Variants in PKHD1 observed in about 807,000 individuals in gnomAD.
PKHD1 encodes the protein PKHD1 ciliary IPT domain containing fibrocystin/polyductin.
PKHD1 carries 291 observed loss-of-function variants against 412.0 expected under a neutral mutation model. The ratio of observed to expected loss-of-function variants is 0.71; its 90% CI spans 0.64 to 0.78. PKHD1 has a LOEUF of 0.78. Ranked by LOEUF, PKHD1 falls within the 30% of genes least tolerant of loss-of-function variation. The probability of loss-of-function intolerance (pLI) is 0.00; values close to 1 mark genes in which losing one functional copy is unlikely to be tolerated. For missense variants in PKHD1, 4,825 were observed against 4,950.7 expected (o/e 0.97, Z 0.76); for synonymous variants, 1,777 against 1,821.5 (o/e 0.98, Z 0.62).
intron 52 of PKHD1, among the ~76,000 whole-genome samples, chr6:51,826,090 G>GC (rs151176342): frequency 0.054 from 8,169 of 152,122 alleles, 225 homozygotes; most frequent in South Asian, 0.072. Flanking sequence ...AGATTTCATA[G>GC]AATTCCTCCC....
At chr6:51,669,487 CA>C (rs1774506880) in intron 60 of PKHD1, among the ~76,000 whole-genome samples, 1 of 149,610 alleles carries the variant, frequency 6.7e-6, no homozygotes, top group Non-Finnish European at 1.5e-5. Flanking sequence ...TTGATCCTTT[CA>C]AAAAACCAGC....
intron 66 of PKHD1, among the ~76,000 whole-genome samples, chr6:51,623,850 G>C (rs1766926569): frequency 6.6e-6 from 1 of 152,188 alleles, no homozygotes. Flanking sequence ...GCCTCCCAAA[G>C]TGCTGGGATT....
chr6:51,971,984 G>A (rs527425248), intron 35 of PKHD1, among the ~76,000 whole-genome samples: 12 of 152,034 alleles, frequency 7.9e-5, no homozygotes, highest in African/African-American at 1.7e-4. Context: ...CGTCCAGCTC[G>A]GCCTCCCAAA....
intron 37 of PKHD1, among the ~76,000 whole-genome samples, chr6:51,917,711 A>ATG (rs1343152489): frequency 6.6e-6 from 1 of 152,170 alleles, no homozygotes; most frequent in African/African-American, 2.4e-5. Flanking sequence ...ACTGCTACAT[A>ATG]TGTGGCATGG....
chr6:51,616,657 G>C lies in PKHD1; in HGVS notation c.*2424C>G. The C allele has an allele frequency of 2.5e-6, 1 of 398,242 alleles. No individual in the cohort carries two copies. The highest frequency in any genetic ancestry group is 4.4e-6 in the Non-Finnish European group (1 of 225,938). The allele number at this position is 398,242 out of a possible 1,614,324, so 24.7% of individuals were successfully genotyped here. ...TGAAGATGTTTATAGCTGCTATTTA[G>C]GCCCAAAGAGTCAATTCTGGCCTCA... On this transcript the variant is annotated 3_prime_UTR_variant, in exon 67 of 67. Coordinates refer to ENST00000371117, the MANE Select transcript of PKHD1 (RefSeq NM_138694.4).
At chr6:51,841,120 G>C (rs55689020) in intron 50 of PKHD1, among the ~76,000 whole-genome samples, 77 of 152,312 alleles carry the variant, frequency 5.1e-4, no homozygotes, top group African/African-American at 1.8e-3. Context: ...TGTTAACTAA[G>C]TATTGTTTTT....
rs527619396 is a variant in PKHD1, at chr6:52,087,452, T to G, written c.-103A>C. On this transcript the variant is annotated 5_prime_UTR_variant, in exon 1 of 67. Coordinates refer to ENST00000371117, the MANE Select transcript of PKHD1 (RefSeq NM_138694.4). ...ACAGTACCTTTTTTTTCTGTTTCTG[T>G]CTCCTTGTGACTCAAGGGAGAAATG... The G allele has an allele frequency of 2.8e-4, 42 of 152,314 alleles. No individual in the cohort carries two copies. Among genetic ancestry groups the G allele is most frequent in the African/African-American group, 9.1e-4 (38 of 41,568 alleles). The allele number at this position is 152,314 out of a possible 1,614,324, so 9.4% of individuals were successfully genotyped here. A position where few individuals can be genotyped will look rare whatever the true frequency, so the allele number is the denominator to read the frequency against.
At position 51,744,386 on chromosome 6, in the gene PKHD1, T is replaced by C. The variant is rs773270584; in HGVS notation, c.10155A>G (p.Ala3385=). The C allele has an allele frequency of 2.5e-6, 4 of 1,613,720 alleles. No individual in the cohort carries two copies. In the Admixed American group the frequency reaches 6.7e-5, roughly 27 times the overall value. ...EAEWTASFFN[A]GTFREEQKCT... The stretch of plus-strand genomic sequence containing the variant: ...GCATTGCATTCAGATATAGCTTACC[T>C]GCGTTGAAGAAGGATGCAGTCCATT... The change falls in exon 60 of 67, where the codon GCA becomes GCG. Residue 3385 remains alanine (A), a splice_region_variant and synonymous_variant. Coordinates refer to ENST00000371117, the MANE Select transcript of PKHD1 (RefSeq NM_138694.4).
At chr6:51,815,755 C>T (rs1325531703) in intron 52 of PKHD1, among the ~76,000 whole-genome samples, 3 of 152,104 alleles carry the variant, frequency 2.0e-5, no homozygotes, top group African/African-American at 4.8e-5. Flanking sequence ...AAATTAAAGC[C>T]TGCTGATTTT....
At chr6:51,685,289 A>T (rs1777265192) in intron 60 of PKHD1, among the ~76,000 whole-genome samples, 1 of 152,120 alleles carries the variant, frequency 6.6e-6, no homozygotes. Flanking sequence ...GGGCATAATT[A>T]CAATGTTATT....
intron 39 of PKHD1, among the ~76,000 whole-genome samples, chr6:51,911,000 G>A (rs987805159): frequency 6.6e-5 from 10 of 151,908 alleles, no homozygotes; most frequent in African/African-American, 2.4e-4. Flanking sequence ...CTACACAGTT[G>A]GCTGGCCTGC....
chr6:51,761,999 A>T (rs531836391), intron 55 of PKHD1, among the ~76,000 whole-genome samples: 1 of 152,156 alleles, frequency 6.6e-6, no homozygotes, highest in Admixed American at 6.6e-5. Context: ...TCAGTCCATC[A>T]GGAGTCATGT....
intron 53 of PKHD1, among the ~76,000 whole-genome samples, chr6:51,778,293 T>C (rs764335810): frequency 1.3e-5 from 2 of 152,182 alleles, no homozygotes; most frequent in African/African-American, 2.4e-5. Flanking sequence ...GGCAAATTTA[T>C]GTATTCATAA....
At chr6:51,668,917 G>A (rs1026489126) in intron 60 of PKHD1, among the ~76,000 whole-genome samples, 2 of 152,208 alleles carry the variant, frequency 1.3e-5, no homozygotes, top group African/African-American at 4.8e-5. Flanking sequence ...TGGGGGATAA[G>A]CTGTTTGATG....
chr6:52,044,832 A>G, intron 25 of PKHD1, 134 bp downstream of exon 25: 1 of 928,810 alleles, frequency 1.1e-6, no homozygotes, highest in South Asian at 1.3e-5. Context: ...AAGGACAGCC[A>G]TAAGTACCCC....
intron 8 of PKHD1, 133 bp downstream of exon 8, chr6:52,071,982 G>T (rs754404008): frequency 4.3e-6 from 3 of 700,262 alleles, no homozygotes; most frequent in Non-Finnish European, 7.8e-6. Context: ...GTAGTAAATA[G>T]CTATGTGTGA....
At chr6:51,842,779 G>T (rs1770456392) in intron 50 of PKHD1, among the ~76,000 whole-genome samples, 1 of 152,196 alleles carries the variant, frequency 6.6e-6, no homozygotes, top group African/African-American at 2.4e-5. Flanking sequence ...TCCCTCTGAT[G>T]CTTTGGGGGA....
intron 49 of PKHD1, among the ~76,000 whole-genome samples, chr6:51,853,463 T>C (rs753964843): frequency 6.6e-6 from 1 of 152,222 alleles, no homozygotes; most frequent in Non-Finnish European, 1.5e-5. Context: ...ATTTGCATGT[T>C]GGCCTGTCTT....
intron 33 of PKHD1, among the ~76,000 whole-genome samples, chr6:52,021,951 CAGAA>C (rs2128136811): frequency 6.6e-6 from 1 of 152,278 alleles, no homozygotes; most frequent in African/African-American, 2.4e-5. Context: ...AAACACTACA[CAGAA>C]AGGAGGTATG....
Sources: allele counts gnomAD v4.1 joint callset (sites outside exome capture counted in the v4.1 genomes callset), GRCh38; gene constraint gnomAD v4.1.1; transcripts MANE v1.5; gene names NCBI Gene and HGNC (gene_info 2026-07-23, HGNC 2026-07-21).